The following LRMDA variants were observed in gnomAD, a reference collection of about 807,000 sequenced individuals.
LRMDA encodes the protein leucine-rich melanocyte differentiation-associated protein.
A neutral mutation model predicts 29.8 loss-of-function variants in LRMDA; 18 were observed. That is an observed-to-expected ratio of 0.60 (90% confidence interval 0.42 to 0.90). The LOEUF (loss-of-function observed/expected upper bound fraction) is 0.90. Among genes scored for constraint, LRMDA ranks in the 40% least tolerant of loss-of-function variants. The pLI, the probability that LRMDA is intolerant of heterozygous loss-of-function variation, is 0.00. For synonymous variants in LRMDA, 125 were observed against 109.4 expected, an observed-to-expected ratio of 1.14 and a Z score of -0.89; for missense variants, 273 against 273.9, an observed-to-expected ratio of 1.00 and a Z score of 0.02.
chr10:76,367,059 T>C (rs1336346912), intron 6 of LRMDA, among the ~76,000 whole-genome samples: 1 of 152,220 alleles, frequency 6.6e-6, no homozygotes, highest in African/African-American at 2.4e-5. Flanking sequence ...TCACATTTAT[T>C]GACTTGCGTA....
intron 6 of LRMDA, among the ~76,000 whole-genome samples, chr10:76,390,521 A>G (rs1589163068): frequency 6.6e-6 from 1 of 151,964 alleles, no homozygotes; most frequent in Non-Finnish European, 1.5e-5. Context: ...AAAAAAAACA[A>G]GAAAACTCAA....
chr10:75,569,842 C>T (rs181634538), intron 2 of LRMDA, among the ~76,000 whole-genome samples: 21 of 152,308 alleles, frequency 1.4e-4, no homozygotes, highest in Admixed American at 9.1e-4. Flanking sequence ...CTCAGCTTGC[C>T]AGTGAGAAAC....
intron 5 of LRMDA, among the ~76,000 whole-genome samples, chr10:76,096,601 G>A (rs1589325171): frequency 6.6e-6 from 1 of 151,924 alleles, no homozygotes; most frequent in East Asian, 1.9e-4. Flanking sequence ...TAGTTCTTTT[G>A]CATTTCCCTG....
intron 2 of LRMDA, among the ~76,000 whole-genome samples, chr10:75,586,610 G>T (rs1226967100): frequency 6.6e-6 from 1 of 151,934 alleles, no homozygotes; most frequent in African/African-American, 2.4e-5. Context: ...AAAGTGCTGG[G>T]AGTACAGACA....
rs541513384 is a variant in LRMDA at position 76,216,180 on chromosome 10, C to T, written c.517-108221C>T. Among the ~76,000 whole-genome samples the T allele has an allele frequency of 1.8e-4, 27 of 152,194 alleles. No individual in the cohort carries two copies. The South Asian group carries it at 5.6e-3, about 32-fold the overall frequency. On this transcript the variant is annotated intron_variant, in intron 5 of 6. Transcript: ENST00000611255. Reference sequence around the variant, plus strand: ...ACCAGTCTGGGCAACAAGCAAGACCCCATCTGTACAAAAAATAAAAATAAA... The same window carrying T: ...ACCAGTCTGGGCAACAAGCAAGACCTCATCTGTACAAAAAATAAAAATAAA...
intron 5 of LRMDA, among the ~76,000 whole-genome samples, chr10:76,107,111 T>C (rs920310678): frequency 6.6e-6 from 1 of 151,962 alleles, no homozygotes; most frequent in Non-Finnish European, 1.5e-5. Context: ...GTGGGGGAGG[T>C]AGAGGCCTGC....
chr10:75,463,248 C>T (rs1471353810), intron 2 of LRMDA, among the ~76,000 whole-genome samples: 1 of 152,164 alleles, frequency 6.6e-6, no homozygotes, highest in Non-Finnish European at 1.5e-5. Context: ...TGAGCGTGCA[C>T]ACACATCCCC....
intron 2 of LRMDA, among the ~76,000 whole-genome samples, chr10:75,619,609 T>C (rs1841154170): frequency 6.6e-6 from 1 of 152,182 alleles, no homozygotes; most frequent in African/African-American, 2.4e-5. Flanking sequence ...CAACCTGTAT[T>C]TCTAGCTCAT....
intron 2 of LRMDA, among the ~76,000 whole-genome samples, chr10:76,033,724 G>A (rs568262814): frequency 3.9e-5 from 6 of 152,110 alleles, no homozygotes; most frequent in African/African-American, 1.2e-4. Context: ...TTAACCACCC[G>A]TAAGGCTCCC....
intron 6 of LRMDA, among the ~76,000 whole-genome samples, chr10:76,407,748 C>A (rs1841917237): frequency 6.6e-6 from 1 of 152,118 alleles, no homozygotes; most frequent in Non-Finnish European, 1.5e-5. Context: ...CTTTGTGTTG[C>A]TTATATATAG....
intron 5 of LRMDA, among the ~76,000 whole-genome samples, chr10:76,306,502 C>T (rs1040934): frequency 0.59 from 89,659 of 152,000 alleles, 30,264 homozygotes; most frequent in Non-Finnish European, 0.79. Flanking sequence ...ACACATGACA[C>T]GGGGCATGGA....
chr10:75,841,833 C>T (rs912318572), intron 2 of LRMDA, among the ~76,000 whole-genome samples: 1 of 152,170 alleles, frequency 6.6e-6, no homozygotes, highest in African/African-American at 2.4e-5. Context: ...TCTTGGTCTC[C>T]ATGCTGTGAT....
intron 2 of LRMDA, among the ~76,000 whole-genome samples, chr10:75,987,036 T>C (rs566606905): frequency 7.2e-5 from 11 of 152,372 alleles, no homozygotes; most frequent in Admixed American, 2.6e-4. Context: ...AGTTTGGAGC[T>C]GCTGTGTCTT....
At chr10:75,589,814 T>C (rs2132083012) in intron 2 of LRMDA, among the ~76,000 whole-genome samples, 1 of 151,928 alleles carries the variant, frequency 6.6e-6, no homozygotes, top group Non-Finnish European at 1.5e-5. Context: ...TCTTTGTGTA[T>C]ATATGTGTAT....
chr10:75,501,695 A>G (rs964019555), intron 2 of LRMDA, among the ~76,000 whole-genome samples: 1 of 152,260 alleles, frequency 6.6e-6, no homozygotes, highest in Admixed American at 6.5e-5. Flanking sequence ...ACAAATATAC[A>G]TAACCGAAAT....
intron 6 of LRMDA, among the ~76,000 whole-genome samples, chr10:76,546,155 A>G (rs1032676292): frequency 2.0e-5 from 3 of 152,182 alleles, no homozygotes; most frequent in African/African-American, 7.2e-5. Context: ...AGATCTTTTC[A>G]TCTATTCCAC....
intron 2 of LRMDA, among the ~76,000 whole-genome samples, chr10:75,739,468 A>G (rs1442642306): frequency 1.6e-4 from 24 of 152,368 alleles, no homozygotes; most frequent in Admixed American, 1.5e-3. Context: ...CGGGAAATCA[A>G]TTAATCTTGA....
intron 6 of LRMDA, among the ~76,000 whole-genome samples, chr10:76,547,399 A>G (rs1376355627): frequency 6.6e-6 from 1 of 152,192 alleles, no homozygotes; most frequent in Non-Finnish European, 1.5e-5. Context: ...TTCAGCACAG[A>G]TTGACCAAAC....
intron 2 of LRMDA, among the ~76,000 whole-genome samples, chr10:75,872,698 T>G (rs1169250726): frequency 6.6e-6 from 1 of 152,218 alleles, no homozygotes; most frequent in African/African-American, 2.4e-5. Flanking sequence ...TTATACATGC[T>G]TCTTACAGTA....
Sources: gnomAD v4.1 joint callset for allele counts (sites outside exome capture counted in the v4.1 genomes callset) on GRCh38, gnomAD v4.1.1 for gene constraint, MANE v1.5 for transcripts, NCBI Gene and HGNC (gene_info 2026-07-23, HGNC 2026-07-21) for gene names.